AUTS2: variants seen among roughly 807,000 people sequenced by gnomAD.
The protein encoded by AUTS2 is activator of transcription and developmental regulator AUTS2.
A neutral mutation model predicts 112.4 loss-of-function variants in AUTS2; 17 were observed. The ratio of observed to expected loss-of-function variants is 0.15; its 90% CI spans 0.10 to 0.23. The LOEUF (loss-of-function observed/expected upper bound fraction) is 0.23. Ranked by LOEUF, AUTS2 falls within the 10% of genes least tolerant of loss-of-function variation. The pLI, the probability that AUTS2 is intolerant of heterozygous loss-of-function variation, is 1.00. For synonymous variants in AUTS2, 751 were observed against 702.7 expected (o/e 1.07, Z -1.09); for missense variants, 1,510 against 1,701.6 (o/e 0.89, Z 1.98).
chr7:69,638,296 G>A (rs1315191995), intron 1 of AUTS2, among the ~76,000 whole-genome samples: 7 of 152,190 alleles, frequency 4.6e-5, no homozygotes, highest in South Asian at 2.1e-4. Context: ...GACTACAGGC[G>A]TGAGCCACTG....
intron 5 of AUTS2, among the ~76,000 whole-genome samples, chr7:70,443,321 A>T (rs142646581): frequency 6.6e-6 from 1 of 152,308 alleles, no homozygotes; most frequent in East Asian, 1.9e-4. Flanking sequence ...CCAATTCCTG[A>T]TTTCTCACTC....
chr7:70,432,434 T>C (rs1795711126), intron 4 of AUTS2, among the ~76,000 whole-genome samples: 1 of 152,196 alleles, frequency 6.6e-6, no homozygotes, highest in South Asian at 2.1e-4. Context: ...GTGAAAGCTA[T>C]ACAGTGTATT....
intron 2 of AUTS2, among the ~76,000 whole-genome samples, chr7:69,964,792 C>G (rs188747840): frequency 1.3e-5 from 2 of 152,046 alleles, no homozygotes; most frequent in Admixed American, 1.3e-4. Flanking sequence ...TATCATGTCT[C>G]TAAGTACAGT....
At chr7:70,732,520 C>T (rs1398093657) in intron 6 of AUTS2, among the ~76,000 whole-genome samples, 3 of 152,130 alleles carry the variant, frequency 2.0e-5, no homozygotes, top group Non-Finnish European at 4.4e-5. Flanking sequence ...TGTCAAGACC[C>T]CTGTCTGTCT....
At chr7:69,856,647 C>T (rs1261207809) in intron 1 of AUTS2, among the ~76,000 whole-genome samples, 1 of 152,202 alleles carries the variant, frequency 6.6e-6, no homozygotes, top group East Asian at 1.9e-4. Flanking sequence ...TAAGTATTCT[C>T]AGCCTTAGTT....
chr7:69,648,568 T>C (rs1795146451), intron 1 of AUTS2, among the ~76,000 whole-genome samples: 1 of 151,950 alleles, frequency 6.6e-6, no homozygotes. Flanking sequence ...AGAAAAGATG[T>C]AGTAACTTTT....
chr7:70,288,261 G>A (rs549294282), intron 4 of AUTS2, among the ~76,000 whole-genome samples: 223 of 152,240 alleles, frequency 1.5e-3, no homozygotes, highest in Non-Finnish European at 2.4e-3. Flanking sequence ...AATTAGCCAG[G>A]CATGGTGGCG....
intron 4 of AUTS2, among the ~76,000 whole-genome samples, chr7:70,170,507 A>G (rs1808619246): frequency 6.6e-6 from 1 of 152,140 alleles, no homozygotes; most frequent in African/African-American, 2.4e-5. Flanking sequence ...TTTGGTAGTA[A>G]AGGTAAATGA....
intron 6 of AUTS2, among the ~76,000 whole-genome samples, chr7:70,723,367 A>G (rs114894309): frequency 0.02 from 2,976 of 152,204 alleles, 102 homozygotes; most frequent in African/African-American, 0.068. Context: ...TCAACCCAAG[A>G]CCTTGAAGAT....
chr7:70,156,379 A>G (rs902064081), intron 4 of AUTS2, among the ~76,000 whole-genome samples: 1 of 152,176 alleles, frequency 6.6e-6, no homozygotes, highest in South Asian at 2.1e-4. Flanking sequence ...CAATGGCTGT[A>G]TAGAAGAGAG....
intron 5 of AUTS2, among the ~76,000 whole-genome samples, chr7:70,466,125 G>A (rs1797158284): frequency 6.6e-6 from 1 of 152,158 alleles, no homozygotes; most frequent in African/African-American, 2.4e-5. Context: ...AACACATCTT[G>A]TAAATCTGGG....
chr7:70,607,222 C>T lies in AUTS2; in HGVS notation c.691-91347C>T, dbSNP rs78255912. Among the ~76,000 whole-genome samples the T allele has an allele frequency of 5.3e-3, 754 of 141,216 alleles. 8 individuals are homozygous for T. The highest frequency in any genetic ancestry group is 0.019 in the African/African-American group (712 of 38,180). The allele number at this position is 141,216 out of a possible 152,430, so 92.6% of individuals were successfully genotyped here. A position where few individuals can be genotyped will look rare whatever the true frequency, so the allele number is the denominator to read the frequency against. ...CCTTTAGTAGCTGCGTGGAGCTTGC[C>T]ATGTGTCAGAAAACCTTAGAGTGTA... On this transcript the variant is annotated intron_variant, in intron 5 of 18. Transcript: ENST00000342771.
At chr7:70,012,910 A>G (rs1446859196) in intron 2 of AUTS2, among the ~76,000 whole-genome samples, 1 of 152,234 alleles carries the variant, frequency 6.6e-6, no homozygotes, top group Non-Finnish European at 1.5e-5. Context: ...TTGTAGAGAA[A>G]TAAGTGCTCA....
At chr7:70,775,122 A>C in intron 12 of AUTS2, 1 of 545,790 alleles carries the variant, frequency 1.8e-6, no homozygotes, top group Non-Finnish European at 3.2e-6. Flanking sequence ...GCTATTGATT[A>C]AACTTGTACA....
chr7:70,753,787 G>A (rs573947947), intron 6 of AUTS2, among the ~76,000 whole-genome samples: 25 of 152,290 alleles, frequency 1.6e-4, no homozygotes, highest in South Asian at 4.1e-4. Flanking sequence ...GTTTTAATAC[G>A]TATATACAAT....
At chr7:70,391,718 T>C (rs1337168316) in intron 4 of AUTS2, among the ~76,000 whole-genome samples, 1 of 152,180 alleles carries the variant, frequency 6.6e-6, no homozygotes, top group African/African-American at 2.4e-5. Context: ...AATTAAGACA[T>C]ATTTGACACC....
At chr7:70,299,368 G>A (rs1006703479) in intron 4 of AUTS2, among the ~76,000 whole-genome samples, 1 of 152,082 alleles carries the variant, frequency 6.6e-6, no homozygotes, top group East Asian at 1.9e-4. Context: ...CCCTGAGTTC[G>A]GAATAGATCC....
intron 4 of AUTS2, among the ~76,000 whole-genome samples, chr7:70,366,754 A>G (rs1792588812): frequency 6.6e-6 from 1 of 152,184 alleles, no homozygotes; most frequent in African/African-American, 2.4e-5. Flanking sequence ...GACTGACCAA[A>G]TGTGGAGAAC....
chr7:70,731,332 T>TA (rs57202609), intron 6 of AUTS2, among the ~76,000 whole-genome samples: 1 of 151,588 alleles, frequency 6.6e-6, no homozygotes, highest in African/African-American at 2.4e-5. Context: ...TTTTTTTTTT[T>TA]ACTTTTTATT....
Sources: allele counts gnomAD v4.1 joint callset (sites outside exome capture counted in the v4.1 genomes callset), GRCh38; gene constraint gnomAD v4.1.1; transcripts MANE v1.5; gene names NCBI Gene and HGNC (gene_info 2026-07-23, HGNC 2026-07-21).